PLCB4: variants seen among roughly 807,000 people sequenced by gnomAD.
PLCB4 encodes phospholipase C beta 4, also known as 1-phosphatidylinositol 4,5-bisphosphate phosphodiesterase beta-4.
In PLCB4, 77 loss-of-function variants were observed where a neutral mutation model predicts 178.8. The observed-to-expected ratio is 0.43, with a 90% CI of 0.36 to 0.52. The LOEUF (loss-of-function observed/expected upper bound fraction) is 0.52, where lower values mean the gene tolerates loss of function less well. Among genes scored for constraint, PLCB4 ranks in the 20% least tolerant of loss-of-function variants. The probability of loss-of-function intolerance (pLI) is 0.00; values close to 1 mark genes in which losing one functional copy is unlikely to be tolerated. For missense variants in PLCB4, 1,024 were observed against 1,453.4 expected (o/e 0.70, Z 4.80); for synonymous variants, 496 against 490.8 (o/e 1.01, Z -0.14).
At chr20:9,161,898 A>G (rs1464291252) in intron 2 of PLCB4, among the ~76,000 whole-genome samples, 4 of 152,338 alleles carry the variant, frequency 2.6e-5, no homozygotes, top group East Asian at 3.9e-4. Flanking sequence ...ATAAACTAAA[A>G]TTAAATAACA....
At chr20:9,415,665 G>T (rs373354395) in intron 25 of PLCB4, among the ~76,000 whole-genome samples, 2 of 152,190 alleles carry the variant, frequency 1.3e-5, no homozygotes, top group African/African-American at 4.8e-5. Context: ...TGTCTGGAAT[G>T]AGTTCATTTT....
At chr20:9,158,029 G>C (rs2092819703) in intron 2 of PLCB4, among the ~76,000 whole-genome samples, 1 of 152,104 alleles carries the variant, frequency 6.6e-6, no homozygotes, top group Non-Finnish European at 1.5e-5. Flanking sequence ...ATAACCCTTT[G>C]AAGTAGGTAC....
chr20:9,388,363 A>T (rs189892787), intron 15 of PLCB4, among the ~76,000 whole-genome samples: 3 of 152,312 alleles, frequency 2.0e-5, no homozygotes, highest in Admixed American at 2.0e-4. Flanking sequence ...AGATATTACA[A>T]CACCAGGAGC....
intron 3 of PLCB4, among the ~76,000 whole-genome samples, chr20:9,230,613 A>G (rs914281882): frequency 2.8e-4 from 43 of 152,104 alleles, no homozygotes; most frequent in African/African-American, 9.2e-4. Flanking sequence ...TGGGTCAGCA[A>G]TTTGGGCTGG....
At chr20:9,096,692 C>T (rs2090923262) in intron 2 of PLCB4, among the ~76,000 whole-genome samples, 1 of 152,026 alleles carries the variant, frequency 6.6e-6, no homozygotes, top group Non-Finnish European at 1.5e-5. Flanking sequence ...TTCTAGGAAA[C>T]CAAGACAGTG....
intron 2 of PLCB4, among the ~76,000 whole-genome samples, chr20:9,117,343 G>A (rs556910168): frequency 5.3e-5 from 8 of 152,234 alleles, no homozygotes; most frequent in African/African-American, 1.9e-4. Context: ...CAGGATATGT[G>A]TTGCCAAATT....
intron 7 of PLCB4, among the ~76,000 whole-genome samples, chr20:9,352,313 A>G (rs905839985): frequency 1.3e-5 from 2 of 152,168 alleles, no homozygotes; most frequent in South Asian, 4.1e-4. Context: ...TTCCCTCCTG[A>G]TCTTTTGTGT....
At chr20:9,215,361 G>A (rs1232827908) in intron 2 of PLCB4, among the ~76,000 whole-genome samples, 1 of 152,066 alleles carries the variant, frequency 6.6e-6, no homozygotes, top group Non-Finnish European at 1.5e-5. Flanking sequence ...CATGGGCGAG[G>A]GTGCCTGGGT....
At chr20:9,473,480 G>T (rs952635682) in intron 38 of PLCB4, 115 bp downstream of exon 38, 4 of 502,428 alleles carry the variant, frequency 8.0e-6, no homozygotes, top group Non-Finnish European at 1.4e-5. Context: ...GTAGATAGAA[G>T]AATTTGTTGC....
chr20:9,130,665 C>G (rs555780077), intron 2 of PLCB4, among the ~76,000 whole-genome samples: 2 of 152,284 alleles, frequency 1.3e-5, no homozygotes, highest in South Asian at 2.1e-4. Context: ...AAGTTAGGAA[C>G]AAACTTATCT....
chr20:9,203,444 T>C (rs954444686), intron 2 of PLCB4, among the ~76,000 whole-genome samples: 3 of 152,212 alleles, frequency 2.0e-5, no homozygotes, highest in Non-Finnish European at 4.4e-5. Flanking sequence ...TCTGGCATTA[T>C]TCTGGAGCAA....
intron 4 of PLCB4, among the ~76,000 whole-genome samples, chr20:9,332,295 G>A (rs2031794817): frequency 6.6e-6 from 1 of 152,130 alleles, no homozygotes; most frequent in South Asian, 2.1e-4. Context: ...CCCACTTTCA[G>A]GTCAGGAGGG....
rs1052603187 is a variant in PLCB4 at position 9,479,665 on chromosome 20, A to G, written c.*656A>G. ...GTTAGGCACATTTAAGAAAGTTTACATCTGACATTGCTTTATAGGAATTGT... is the reference window on the plus strand; with the variant it reads ...GTTAGGCACATTTAAGAAAGTTTACGTCTGACATTGCTTTATAGGAATTGT... On this transcript the variant is annotated 3_prime_UTR_variant, in exon 40 of 40. Transcript: ENST00000378473. 6.5e-6 allele frequency: 1 copy of G among 152,704 alleles called. No homozygotes were observed. The highest frequency in any genetic ancestry group is 1.5e-5 in the Non-Finnish European group (1 of 68,094). 9.5% of individuals were successfully genotyped at this position (152,704 alleles called of 1,614,324 possible). A position where few individuals can be genotyped will look rare whatever the true frequency, so the allele number is the denominator to read the frequency against.
At chr20:9,203,056 A>AAAATATATAT (rs769628056) in intron 2 of PLCB4, among the ~76,000 whole-genome samples, 8 of 126,162 alleles carry the variant, frequency 6.3e-5, no homozygotes, top group African/African-American at 2.7e-4. Flanking sequence ...AAAAAAAAAA[A>AAAATATATAT]ATATATATAT....
intron 3 of PLCB4, among the ~76,000 whole-genome samples, chr20:9,260,646 G>A (rs2094287945): frequency 1.3e-5 from 2 of 152,016 alleles, no homozygotes; most frequent in African/African-American, 2.4e-5. Context: ...GTATATATGA[G>A]CTTATGCATA....
intron 12 of PLCB4, 48 bp downstream of exon 12, chr20:9,373,152 T>C (rs2036390446): frequency 3.3e-6 from 3 of 910,790 alleles, no homozygotes; most frequent in East Asian, 5.0e-5. Context: ...TGCAGTGGCT[T>C]GCCTTCTCTG....
chr20:9,343,202 T>C (rs915401555), intron 7 of PLCB4, among the ~76,000 whole-genome samples: 4 of 152,192 alleles, frequency 2.6e-5, no homozygotes, highest in African/African-American at 9.6e-5. Flanking sequence ...TGAGTCTTTT[T>C]TTTTTTAATT....
At chr20:9,291,750 AT>A (rs1419652077) in intron 3 of PLCB4, among the ~76,000 whole-genome samples, 1 of 152,108 alleles carries the variant, frequency 6.6e-6, no homozygotes, top group Non-Finnish European at 1.5e-5. Context: ...TGTAGGTGAC[AT>A]TTTTTTGACT....
chr20:9,338,343 T>C (rs1025141730), intron 6 of PLCB4, among the ~76,000 whole-genome samples: 2 of 152,066 alleles, frequency 1.3e-5, no homozygotes, highest in African/African-American at 4.8e-5. Context: ...GGTCCTCCAA[T>C]AACTACAATC....
Sources: allele counts gnomAD v4.1 joint callset (sites outside exome capture counted in the v4.1 genomes callset), GRCh38; gene constraint gnomAD v4.1.1; transcripts MANE v1.5; gene names NCBI Gene and HGNC (gene_info 2026-07-23, HGNC 2026-07-21).